The following PDE4D variants were observed in gnomAD, a reference collection of about 807,000 sequenced individuals.
The protein encoded by PDE4D is phosphodiesterase 4D, also known as 3',5'-cyclic-AMP phosphodiesterase 4D.
Under a neutral mutation model 87.4 loss-of-function variants are expected in PDE4D, and 24 were observed. That is an observed-to-expected ratio of 0.27 (90% CI 0.20 to 0.39). The LOEUF (loss-of-function observed/expected upper bound fraction) is 0.39. PDE4D is among the 10% of genes least tolerant of loss of function. The pLI is 1.00. For synonymous variants in PDE4D, 384 were observed against 383.2 expected (o/e 1.00, Z -0.02); for missense variants, 714 against 1,041.0 (o/e 0.69, Z 4.32).
intron 1 of PDE4D, among the ~76,000 whole-genome samples, chr5:59,220,175 G>A (rs1448457072): frequency 6.6e-6 from 1 of 151,962 alleles, no homozygotes; most frequent in Non-Finnish European, 1.5e-5. Context: ...AGGAAGACCA[G>A]TATTTGTTAA....
At chr5:59,047,419 A>G (rs953254037) in intron 5 of PDE4D, among the ~76,000 whole-genome samples, 19 of 152,216 alleles carry the variant, frequency 1.2e-4, no homozygotes, top group African/African-American at 4.6e-4. Context: ...CTAGTCTTGG[A>G]GGACTTGTAT....
At chr5:60,495,372 A>G (rs991444640) in intron 1 of PDE4D, among the ~76,000 whole-genome samples, 2 of 152,188 alleles carry the variant, frequency 1.3e-5, no homozygotes, top group Non-Finnish European at 2.9e-5. Flanking sequence ...GGCACCTGCT[A>G]AAATGGTAGA....
chr5:59,866,290 T>C (rs1747027065), intron 1 of PDE4D, among the ~76,000 whole-genome samples: 1 of 152,210 alleles, frequency 6.6e-6, no homozygotes, highest in African/African-American at 2.4e-5. Flanking sequence ...TTCTACAATA[T>C]TTTCACCTTG....
intron 3 of PDE4D, among the ~76,000 whole-genome samples, chr5:59,983,264 C>A (rs1762107209): frequency 6.6e-6 from 1 of 152,086 alleles, no homozygotes; most frequent in Non-Finnish European, 1.5e-5. Context: ...GTCCTTGTCT[C>A]CAAGTGAAAT....
chr5:59,988,428 C>T (rs1762658405), intron 3 of PDE4D: 26 of 1,125,962 alleles, frequency 2.3e-5, no homozygotes. Flanking sequence ...CTCAAAAGAC[C>T]ACAGACAACA....
chr5:59,698,347 T>C (rs1561496936), intron 1 of PDE4D, among the ~76,000 whole-genome samples: 2 of 152,108 alleles, frequency 1.3e-5, no homozygotes, highest in Admixed American at 6.6e-5. Context: ...GATCACATAG[T>C]AATCATCTTG....
chr5:59,150,449 G>A (rs1198102239), intron 5 of PDE4D, among the ~76,000 whole-genome samples: 1 of 152,088 alleles, frequency 6.6e-6, no homozygotes, highest in Non-Finnish European at 1.5e-5. Context: ...AAATGCTTCA[G>A]TTTGGAATTT....
At chr5:59,837,069 C>T (rs1472808716) in intron 1 of PDE4D, among the ~76,000 whole-genome samples, 2 of 152,004 alleles carry the variant, frequency 1.3e-5, no homozygotes, top group African/African-American at 4.8e-5. Context: ...AACTTCAAAA[C>T]CTTTATCGTT....
intron 1 of PDE4D, among the ~76,000 whole-genome samples, chr5:59,881,256 T>C (rs1326349212): frequency 6.6e-6 from 1 of 152,176 alleles, no homozygotes; most frequent in Non-Finnish European, 1.5e-5. Context: ...AGCCAGAGTA[T>C]TTATAATTTA....
intron 1 of PDE4D, among the ~76,000 whole-genome samples, chr5:59,828,719 T>TTA (rs1770621642): frequency 1.3e-5 from 2 of 152,072 alleles, no homozygotes; most frequent in Admixed American, 1.3e-4. Context: ...GTGCGTCCTG[T>TTA]TATATACAAC....
At chr5:59,472,313 C>T (rs928714828) in intron 1 of PDE4D, among the ~76,000 whole-genome samples, 8 of 152,040 alleles carry the variant, frequency 5.3e-5, no homozygotes, top group Admixed American at 3.3e-4. Flanking sequence ...GCTCTTTATA[C>T]GCAAAGACTG....
rs112445936 is a variant in PDE4D, at chr5:59,452,071, C to CT, written c.456-236104dup. 7.9e-5 allele frequency among the ~76,000 whole-genome samples: 12 copies of CT among 150,952 alleles called. 2 individuals are homozygous for CT. Among genetic ancestry groups the CT allele is most frequent in the African/African-American group, 2.9e-4 (12 of 41,410 alleles). On this transcript the variant is annotated intron_variant, in intron 1 of 14. Transcript: ENST00000340635. ...ACATTGAGATTTTTTGTTTGTGATT[C>CT]TTTTTTTTAGTTCATCAGCTATTGT...
At chr5:59,163,035 C>T (rs116142116) in intron 5 of PDE4D, among the ~76,000 whole-genome samples, 1 of 151,262 alleles carries the variant, frequency 6.6e-6, no homozygotes, top group East Asian at 1.9e-4. Context: ...CGGGTTCAAG[C>T]CATTTTCGTG....
intron 1 of PDE4D, among the ~76,000 whole-genome samples, chr5:59,668,691 T>A (rs1277272917): frequency 2.1e-5 from 3 of 143,080 alleles, no homozygotes; most frequent in Admixed American, 1.5e-4. Context: ...CTGGACAGAG[T>A]CCAGAGTGAG....
intron 1 of PDE4D, among the ~76,000 whole-genome samples, chr5:60,327,324 T>C (rs1369017845): frequency 6.6e-6 from 1 of 152,196 alleles, no homozygotes; most frequent in African/African-American, 2.4e-5. Flanking sequence ...TTTAACAAGG[T>C]CTGTGTGTAC....
intron 1 of PDE4D, among the ~76,000 whole-genome samples, chr5:60,376,656 T>C (rs924884773): frequency 1.3e-5 from 2 of 152,338 alleles, no homozygotes; most frequent in Admixed American, 6.5e-5. Context: ...GATGTGATCC[T>C]GGTCACTCTT....
chr5:59,490,597 A>G (rs181434453), intron 1 of PDE4D, among the ~76,000 whole-genome samples: 1 of 152,308 alleles, frequency 6.6e-6, no homozygotes, highest in Admixed American at 6.5e-5. Flanking sequence ...GAAATGTAGT[A>G]TTTCTTTATA....
chr5:60,283,780 T>A (rs993719194), intron 1 of PDE4D, among the ~76,000 whole-genome samples: 6 of 152,108 alleles, frequency 3.9e-5, no homozygotes, highest in Non-Finnish European at 8.8e-5. Flanking sequence ...AAGGTGGCCA[T>A]ACTCTTTGAT....
intron 1 of PDE4D, among the ~76,000 whole-genome samples, chr5:60,230,012 T>C (rs1373204058): frequency 6.6e-6 from 1 of 152,116 alleles, no homozygotes; most frequent in African/African-American, 2.4e-5. Flanking sequence ...TCACATTAAT[T>C]GTTTGGATAG....
Sources: allele counts gnomAD v4.1 joint callset (sites outside exome capture counted in the v4.1 genomes callset), GRCh38; gene constraint gnomAD v4.1.1; transcripts MANE v1.5; gene names NCBI Gene and HGNC (gene_info 2026-07-23, HGNC 2026-07-21).